ARB2A: variants seen among roughly 807,000 people sequenced by gnomAD.
ARB2A encodes ARB2 cotranscriptional regulator A.
the ARB2A span, among the ~76,000 whole-genome samples, chr5:93,942,949 T>C: frequency 6.6e-6 from 1 of 152,222 alleles, no homozygotes; most frequent in South Asian, 2.1e-4. Flanking sequence ...CACACATATA[T>C]ACACATACAA....
the ARB2A span, among the ~76,000 whole-genome samples, chr5:93,816,786 A>T: frequency 6.6e-6 from 1 of 152,194 alleles, no homozygotes; most frequent in Admixed American, 6.5e-5. Flanking sequence ...ATTAAGGAGC[A>T]CACTAGGTTC....
the ARB2A span, among the ~76,000 whole-genome samples, chr5:94,031,249 A>T: frequency 3.9e-5 from 6 of 152,212 alleles, no homozygotes; most frequent in Non-Finnish European, 5.9e-5. Context: ...GAAGATGAAA[A>T]GAACTAAGGA....
chr5:93,883,350 A>C, the ARB2A span, among the ~76,000 whole-genome samples: 3 of 151,648 alleles, frequency 2.0e-5, no homozygotes, highest in Non-Finnish European at 3.0e-5. Context: ...CTTTCACAAA[A>C]AGCTTATAAA....
chr5:93,880,036 G>A, the ARB2A span, among the ~76,000 whole-genome samples: 2 of 151,716 alleles, frequency 1.3e-5, no homozygotes, highest in Non-Finnish European at 2.9e-5. Context: ...TGACCCCGAT[G>A]TAATCATATG....
chr5:93,885,313 G>C, the ARB2A span, among the ~76,000 whole-genome samples: 2 of 151,442 alleles, frequency 1.3e-5, no homozygotes, highest in Non-Finnish European at 3.0e-5. Context: ...ACTAAGGAAG[G>C]CTCCATAACT....
At chr5:94,067,003 G>A in the ARB2A span, among the ~76,000 whole-genome samples, 1 of 152,088 alleles carries the variant, frequency 6.6e-6, no homozygotes, top group Admixed American at 6.6e-5. Context: ...TTATCAAGTA[G>A]GATTTACCTA....
chr5:93,784,195 C>A, the ARB2A span: 1 of 508,628 alleles, frequency 2.0e-6, no homozygotes, highest in South Asian at 2.8e-5. Context: ...GGGGAGCTTT[C>A]AAAAATATTA....
At chr5:94,088,222 C>T in the ARB2A span, among the ~76,000 whole-genome samples, 50 of 152,204 alleles carry the variant, frequency 3.3e-4, no homozygotes, top group African/African-American at 1.2e-3. Flanking sequence ...TACTAAAACC[C>T]AATTGATTCC....
chr5:93,797,120 C>T, the ARB2A span, among the ~76,000 whole-genome samples: 1 of 152,098 alleles, frequency 6.6e-6, no homozygotes, highest in Non-Finnish European at 1.5e-5. Context: ...ACTGGAGTAG[C>T]ACTTCAGATC....
At chr5:93,762,639 C>G in the ARB2A span, among the ~76,000 whole-genome samples, 2 of 150,438 alleles carry the variant, frequency 1.3e-5, no homozygotes, top group Non-Finnish European at 3.0e-5. Context: ...GGGATATTAT[C>G]CAAGAGAAAT....
At chr5:93,828,134 C>A in the ARB2A span, among the ~76,000 whole-genome samples, 1 of 152,050 alleles carries the variant, frequency 6.6e-6, no homozygotes, top group African/African-American at 2.4e-5. Flanking sequence ...TGAAGAAAGT[C>A]ATTGGTAGCT....
the ARB2A span, among the ~76,000 whole-genome samples, chr5:93,971,404 C>T: frequency 1.6e-4 from 24 of 151,766 alleles, no homozygotes; most frequent in East Asian, 9.8e-4. Flanking sequence ...CCTGTCTCTA[C>T]TAAAAATACA....
At chr5:93,775,834 A>G in the ARB2A span, among the ~76,000 whole-genome samples, 8 of 152,318 alleles carry the variant, frequency 5.3e-5, no homozygotes, top group African/African-American at 1.7e-4. Context: ...CACATATCCT[A>G]TGAAAGATCT....
the ARB2A span, among the ~76,000 whole-genome samples, chr5:93,970,917 A>T: frequency 6.6e-6 from 1 of 152,206 alleles, no homozygotes; most frequent in African/African-American, 2.4e-5. Flanking sequence ...TCACACTACA[A>T]TGTATCACAA....
At chr5:93,766,073 A>G in the ARB2A span, among the ~76,000 whole-genome samples, 1 of 152,160 alleles carries the variant, frequency 6.6e-6, no homozygotes, top group Admixed American at 6.5e-5. Flanking sequence ...TAGACTCAAA[A>G]CCATAAAAAT....
At chr5:93,749,896 G>C in the ARB2A span, among the ~76,000 whole-genome samples, 1 of 152,202 alleles carries the variant, frequency 6.6e-6, no homozygotes, top group South Asian at 2.1e-4. Flanking sequence ...GTTACTCTTG[G>C]ATTCCAAAAG....
At chr5:93,771,855 T>A in the ARB2A span, among the ~76,000 whole-genome samples, 1 of 152,160 alleles carries the variant, frequency 6.6e-6, no homozygotes, top group Non-Finnish European at 1.5e-5. Context: ...TACACTGTTG[T>A]TGGGACTGTA....
chr5:93,763,982 G>A, the ARB2A span, among the ~76,000 whole-genome samples: 1 of 152,164 alleles, frequency 6.6e-6, no homozygotes, highest in South Asian at 2.1e-4. Flanking sequence ...CAGAAATAAA[G>A]ATGTTCTTTG....
the ARB2A span, among the ~76,000 whole-genome samples, chr5:93,654,879 C>T: frequency 8.5e-5 from 13 of 152,222 alleles, no homozygotes; most frequent in Non-Finnish European, 8.8e-5. Context: ...GTCATAGCTT[C>T]AGATTCACAA....
Sources: allele counts gnomAD v4.1 joint callset (sites outside exome capture counted in the v4.1 genomes callset), GRCh38; gene constraint gnomAD v4.1.1; transcripts MANE v1.5; gene names NCBI Gene and HGNC (gene_info 2026-07-23, HGNC 2026-07-21).